The following SNTG2 variants were observed in gnomAD, a reference collection of about 807,000 sequenced individuals.
SNTG2 encodes the protein gamma-2-syntrophin.
In SNTG2, 74 loss-of-function variants were observed where a neutral mutation model predicts 70.9. That is an observed-to-expected ratio of 1.04 (90% CI 0.86 to 1.27). The LOEUF (loss-of-function observed/expected upper bound fraction) is 1.27. Among genes scored for constraint, SNTG2 ranks in the 50% most tolerant of loss-of-function variants. The pLI is 0.00. For missense variants in SNTG2, 717 were observed against 690.7 expected, an observed-to-expected ratio of 1.04 and a Z score of -0.43; for synonymous variants, 278 against 273.8, an observed-to-expected ratio of 1.02 and a Z score of -0.15.
chr2:1,110,297 C>T (rs1666356715), intron 4 of SNTG2, among the ~76,000 whole-genome samples: 2 of 152,168 alleles, frequency 1.3e-5, no homozygotes, highest in Non-Finnish European at 2.9e-5. Context: ...GATGGGGTCA[C>T]CATGACATGG....
intron 1 of SNTG2, among the ~76,000 whole-genome samples, chr2:969,759 TG>T (rs1168792711): frequency 6.6e-6 from 1 of 152,252 alleles, no homozygotes; most frequent in Non-Finnish European, 1.5e-5. Flanking sequence ...TAGGAGCTTT[TG>T]GGCAGAGACT....
chr2:1,361,880 G>C (rs1661180076), intron 16 of SNTG2, among the ~76,000 whole-genome samples: 1 of 97,176 alleles, frequency 1.0e-5, no homozygotes, highest in African/African-American at 3.8e-5. Context: ...AGTCACCAAC[G>C]CTGAGCATTT....
intron 1 of SNTG2, among the ~76,000 whole-genome samples, chr2:1,035,882 A>G (rs1194885570): frequency 1.3e-5 from 2 of 152,112 alleles, no homozygotes; most frequent in Admixed American, 6.5e-5. Context: ...TGGGAAATCT[A>G]TTTTTTTCCA....
intron 16 of SNTG2, among the ~76,000 whole-genome samples, chr2:1,349,008 C>T (rs1191354053): frequency 6.6e-6 from 1 of 152,226 alleles, no homozygotes; most frequent in African/African-American, 2.4e-5. Flanking sequence ...TTAATTATTG[C>T]AAGGCAACTG....
intron 16 of SNTG2, among the ~76,000 whole-genome samples, chr2:1,340,880 A>G (rs961381946): frequency 1.3e-5 from 2 of 152,170 alleles, no homozygotes; most frequent in Admixed American, 1.3e-4. Context: ...AAATATCCCC[A>G]TTTTACAGGC....
rs368314794 is a variant in SNTG2 at position 1,167,093 on chromosome 2, C to G, written c.499+1458C>G. Among the ~76,000 whole-genome samples, 4 of 152,338 alleles carry G rather than the reference C, an allele frequency of 2.6e-5. No individual in the cohort carries two copies. The South Asian group carries it at 8.3e-4, about 32-fold the overall frequency. On this transcript the variant is annotated intron_variant, in intron 7 of 16. Coordinates refer to ENST00000308624, the MANE Select transcript of SNTG2 (RefSeq NM_018968.4). The stretch of plus-strand genomic sequence containing the variant: ...GGATACAGAAAGCCTTCTGTCCTTG[C>G]GATAAGGCAGAGGGTCTAATTGAGC...
At chr2:1,321,698 T>A (rs1438728714) in intron 16 of SNTG2, among the ~76,000 whole-genome samples, 1 of 152,190 alleles carries the variant, frequency 6.6e-6, no homozygotes, top group East Asian at 1.9e-4. Context: ...TCCCTGTGCA[T>A]GAACCAGGGG....
At chr2:1,175,335 G>C (rs1490512208) in intron 8 of SNTG2, among the ~76,000 whole-genome samples, 1 of 152,088 alleles carries the variant, frequency 6.6e-6, no homozygotes, top group Admixed American at 6.6e-5. Context: ...GTAATTACTA[G>C]GTATTTATAA....
intron 14 of SNTG2, among the ~76,000 whole-genome samples, chr2:1,294,482 G>T (rs151290795): frequency 6.7e-4 from 102 of 152,342 alleles, no homozygotes; most frequent in African/African-American, 2.4e-3. Flanking sequence ...TTTCTTAGGA[G>T]AAAGTAGATG....
intron 1 of SNTG2, among the ~76,000 whole-genome samples, chr2:983,217 A>AAGCTGCAGAGGTGGTGGTCAGGATGCAGG: frequency 6.7e-6 from 1 of 148,608 alleles, no homozygotes; most frequent in African/African-American, 2.5e-5. Context: ...CAGGATGCAG[A>AAGCTGCAGAGGTGGTGGTCAGGATGCAGG]AGCTGCAGAG....
chr2:1,199,503 C>T (rs1673148802), intron 8 of SNTG2, among the ~76,000 whole-genome samples: 1 of 151,926 alleles, frequency 6.6e-6, no homozygotes, highest in Admixed American at 6.6e-5. Flanking sequence ...TCAGCATAGT[C>T]CTGGAAGTCC....
intron 1 of SNTG2, among the ~76,000 whole-genome samples, chr2:1,065,923 A>G (rs747812666): frequency 6.6e-6 from 1 of 152,186 alleles, no homozygotes; most frequent in African/African-American, 2.4e-5. Context: ...GATAACTTAC[A>G]GGTTACAAAA....
chr2:1,115,448 A>G (rs1666888233), intron 4 of SNTG2, among the ~76,000 whole-genome samples: 1 of 150,672 alleles, frequency 6.6e-6, no homozygotes, highest in Admixed American at 6.6e-5. Flanking sequence ...GTGAGGTTTT[A>G]CCCTTACAGT....
chr2:1,201,793 A>T (rs1343244662), intron 8 of SNTG2, among the ~76,000 whole-genome samples: 1 of 152,048 alleles, frequency 6.6e-6, no homozygotes, highest in Admixed American at 6.5e-5. Flanking sequence ...AAATGAAATG[A>T]GAATCAGAGA....
intron 12 of SNTG2, among the ~76,000 whole-genome samples, chr2:1,255,667 A>G (rs1348492734): frequency 6.6e-6 from 1 of 151,732 alleles, no homozygotes; most frequent in Non-Finnish European, 1.5e-5. Context: ...GCATGGCACA[A>G]ACACACTAGG....
At chr2:1,011,442 G>C (rs1304971739) in intron 1 of SNTG2, among the ~76,000 whole-genome samples, 1 of 152,196 alleles carries the variant, frequency 6.6e-6, no homozygotes, top group Admixed American at 6.5e-5. Context: ...AATTTATTAA[G>C]TACAAATGTG....
chr2:1,001,333 T>C (rs1196864205), intron 1 of SNTG2, among the ~76,000 whole-genome samples: 1 of 152,120 alleles, frequency 6.6e-6, no homozygotes, highest in Non-Finnish European at 1.5e-5. Context: ...AAATTATCTC[T>C]GTTTGCTGAT....
intron 6 of SNTG2, among the ~76,000 whole-genome samples, chr2:1,147,946 A>G (rs1165837300): frequency 6.6e-6 from 1 of 152,262 alleles, no homozygotes; most frequent in Admixed American, 6.5e-5. Flanking sequence ...TGTGATTTTA[A>G]AAGAAGAGAG....
At chr2:1,237,034 C>T (rs1676706226) in intron 9 of SNTG2, among the ~76,000 whole-genome samples, 1 of 150,576 alleles carries the variant, frequency 6.6e-6, no homozygotes, top group African/African-American at 2.5e-5. Flanking sequence ...CCTCTGCCTC[C>T]TGGGTTCAGG....
Sources: allele counts gnomAD v4.1 joint callset (sites outside exome capture counted in the v4.1 genomes callset), GRCh38; gene constraint gnomAD v4.1.1; transcripts MANE v1.5; gene names NCBI Gene and HGNC (gene_info 2026-07-23, HGNC 2026-07-21).